Variants in TNR observed in about 807,000 individuals in gnomAD.
TNR encodes the protein tenascin-R.
Under a neutral mutation model 150.4 loss-of-function variants are expected in TNR, and 45 were observed. The ratio of observed to expected loss-of-function variants is 0.30; its 90% CI spans 0.24 to 0.38. TNR has a LOEUF of 0.38. Among genes scored for constraint, TNR ranks in the 10% least tolerant of loss-of-function variants. The pLI, the probability that TNR is intolerant of heterozygous loss-of-function variation, is 1.00. For missense variants in TNR, 1,544 were observed against 1,759.1 expected, an observed-to-expected ratio of 0.88 and a Z score of 2.19; for synonymous variants, 687 against 678.4, an observed-to-expected ratio of 1.01 and a Z score of -0.20.
chr1:175,696,229 T>TGTTGTTGTTG lies in TNR; in HGVS notation c.-165+46996_-165+46997insCAACAACAAC, dbSNP rs1558077881. ...GAGCCTTCCTGTAGTTTTTTTTTTTTTTTTTTTTTTTTTTTCCAAAATTTA... is the reference window on the plus strand; with the variant it reads ...GAGCCTTCCTGTAGTTTTTTTTTTTTGTTGTTGTTGTTTTTTTTTTTTTTTCCAAAATTTA... On this transcript the variant is annotated intron_variant, in intron 1 of 22. Coordinates refer to ENST00000367674, the MANE Select transcript of TNR (RefSeq NM_003285.3). 8.8e-3 allele frequency among the ~76,000 whole-genome samples: 1,068 copies of TGTTGTTGTTG among 121,728 alleles called. 22 individuals are homozygous for TGTTGTTGTTG. Among genetic ancestry groups the TGTTGTTGTTG allele is most frequent in the African/African-American group, 0.032 (1,015 of 31,490 alleles). The allele number at this position is 121,728 out of a possible 152,430, so 79.9% of individuals were successfully genotyped here.
intron 1 of TNR, among the ~76,000 whole-genome samples, chr1:175,591,153 G>A (rs899481699): frequency 5.3e-5 from 8 of 152,156 alleles, no homozygotes; most frequent in African/African-American, 1.9e-4. Flanking sequence ...GTGTGTGTCT[G>A]CATCTTTGTA....
At chr1:175,330,567 T>C in intron 20 of TNR, 1 of 207,576 alleles carries the variant, frequency 4.8e-6, no homozygotes, top group Non-Finnish European at 9.6e-6. Flanking sequence ...ACCATGGTAC[T>C]AGAAGAAAAT....
intron 1 of TNR, among the ~76,000 whole-genome samples, chr1:175,593,289 C>A (rs895471374): frequency 3.9e-5 from 6 of 152,180 alleles, no homozygotes; most frequent in Non-Finnish European, 7.3e-5. Context: ...CAGTCCTACA[C>A]CCTCCAACCC....
intron 2 of TNR, among the ~76,000 whole-genome samples, chr1:175,453,139 C>T (rs1341901706): frequency 6.6e-6 from 1 of 151,992 alleles, no homozygotes; most frequent in Non-Finnish European, 1.5e-5. Flanking sequence ...AAACAAAAGA[C>T]AAAAGAGAAC....
intron 1 of TNR, among the ~76,000 whole-genome samples, chr1:175,666,890 G>T (rs1374256689): frequency 6.6e-6 from 1 of 152,106 alleles, no homozygotes; most frequent in East Asian, 1.9e-4. Flanking sequence ...AGGACTACAG[G>T]CACACACCAC....
chr1:175,428,442 G>A (rs1414873742), intron 2 of TNR, among the ~76,000 whole-genome samples: 1 of 152,094 alleles, frequency 6.6e-6, no homozygotes, highest in African/African-American at 2.4e-5. Flanking sequence ...AGGACTTGCA[G>A]CTGACATTTA....
chr1:175,718,597 C>CT (rs1667219575), intron 1 of TNR, among the ~76,000 whole-genome samples: 1 of 152,212 alleles, frequency 6.6e-6, no homozygotes, highest in African/African-American at 2.4e-5. Context: ...GCCACAGAGA[C>CT]TTTTATCTCC....
intron 2 of TNR, among the ~76,000 whole-genome samples, chr1:175,480,453 G>C (rs555760702): frequency 6.6e-6 from 1 of 151,424 alleles, no homozygotes; most frequent in East Asian, 1.9e-4. Context: ...GAGAAAGAAA[G>C]AAAGAAAAGA....
chr1:175,680,120 C>T (rs1665985382), intron 1 of TNR, among the ~76,000 whole-genome samples: 1 of 152,148 alleles, frequency 6.6e-6, no homozygotes, highest in African/African-American at 2.4e-5. Context: ...ACTCCCCAGC[C>T]CCAGAGTTTA....
At chr1:175,499,911 A>G (rs58593271) in intron 2 of TNR, among the ~76,000 whole-genome samples, 1,949 of 152,298 alleles carry the variant, frequency 0.013, 41 homozygotes, top group African/African-American at 0.045. Flanking sequence ...GACAAGCACA[A>G]GTCATGGTGC....
intron 2 of TNR, among the ~76,000 whole-genome samples, chr1:175,497,449 C>A (rs1394162338): frequency 6.6e-6 from 1 of 152,208 alleles, no homozygotes; most frequent in African/African-American, 2.4e-5. Context: ...AGCTGGGGAA[C>A]AACAATTGCT....
intron 18 of TNR, among the ~76,000 whole-genome samples, chr1:175,343,407 G>A (rs1376719293): frequency 6.6e-6 from 1 of 152,156 alleles, no homozygotes; most frequent in Non-Finnish European, 1.5e-5. Context: ...CAGGTCTCAG[G>A]TAAAGAGACA....
intron 1 of TNR, among the ~76,000 whole-genome samples, chr1:175,569,035 C>G (rs928380645): frequency 2.0e-5 from 3 of 151,788 alleles, no homozygotes; most frequent in Admixed American, 2.0e-4. Flanking sequence ...AGGAAGGGCC[C>G]GTGGTTGGCC....
rs560730743 is a variant in TNR at position 175,437,138 on chromosome 1, CT to C, written c.-63-30362del. On this transcript the variant is annotated intron_variant, in intron 2 of 22. Transcript: ENST00000367674. Reference sequence around the variant, plus strand: ...CCACATAGTTGGAAGTAAAGCATTCCTCAGCAAATGTAAAAGAACAGAAATT... The same window carrying C: ...CCACATAGTTGGAAGTAAAGCATTCCCAGCAAATGTAAAAGAACAGAAATT... Among the ~76,000 whole-genome samples the C allele has an allele frequency of 1.8e-4, 27 of 152,294 alleles. No homozygotes were observed. In the South Asian group the frequency reaches 2.5e-3, roughly 14 times the overall value.
intron 2 of TNR, among the ~76,000 whole-genome samples, chr1:175,453,527 T>C (rs1656421376): frequency 6.6e-6 from 1 of 152,144 alleles, no homozygotes; most frequent in African/African-American, 2.4e-5. Context: ...TGCAGTTTTT[T>C]GGTTTTTAAA....
At chr1:175,442,653 G>A (rs575977330) in intron 2 of TNR, among the ~76,000 whole-genome samples, 27 of 151,842 alleles carry the variant, frequency 1.8e-4, no homozygotes, top group East Asian at 7.7e-4. Flanking sequence ...CATCTGCCCT[G>A]GCATGCTTCA....
Position 175,431,908 on chromosome 1 carries a change from A to AAT in TNR, c.-63-25133_-63-25132dup, listed in dbSNP as rs1209329195. Among the ~76,000 whole-genome samples, 25 of 47,666 alleles carry AAT rather than the reference A, an allele frequency of 5.2e-4. No individual in the cohort carries two copies. The African/African-American group carries it at 5.6e-3, about 11-fold the overall frequency. 31.3% of individuals were successfully genotyped at this position (47,666 alleles called of 152,430 possible). Reference sequence around the variant, plus strand: ...TTCATTTCTCTTGTTTATGGACCATAATATCTCTCTCTCTCTCTCTCTCTC... The same window carrying AAT: ...TTCATTTCTCTTGTTTATGGACCATAATATATCTCTCTCTCTCTCTCTCTCTC... On this transcript the variant is annotated intron_variant, in intron 2 of 22. Coordinates refer to ENST00000367674, the MANE Select transcript of TNR (RefSeq NM_003285.3).
At chr1:175,656,777 T>C (rs1431201051) in intron 1 of TNR, among the ~76,000 whole-genome samples, 1 of 152,112 alleles carries the variant, frequency 6.6e-6, no homozygotes, top group Non-Finnish European at 1.5e-5. Context: ...TGTACGTGGC[T>C]GTGTTTGTGT....
chr1:175,594,998 C>G (rs546348267), intron 1 of TNR, among the ~76,000 whole-genome samples: 5 of 151,816 alleles, frequency 3.3e-5, no homozygotes, highest in African/African-American at 1.2e-4. Context: ...AACCCTGTCT[C>G]TACTAAAAAT....
Sources: gnomAD v4.1 joint callset for allele counts (sites outside exome capture counted in the v4.1 genomes callset) on GRCh38, gnomAD v4.1.1 for gene constraint, MANE v1.5 for transcripts, NCBI Gene and HGNC (gene_info 2026-07-23, HGNC 2026-07-21) for gene names.